The following MAOA variants were observed in gnomAD, a reference collection of about 807,000 sequenced individuals.
MAOA encodes the protein amine oxidase [flavin-containing] A.
In MAOA, 6 loss-of-function variants were observed where a neutral mutation model predicts 42.0. The ratio of observed to expected loss-of-function variants is 0.14; its 90% CI spans 0.08 to 0.28. The LOEUF is 0.28. Ranked by LOEUF, MAOA falls within the 10% of genes least tolerant of loss-of-function variation. The pLI, the probability that MAOA is intolerant of heterozygous loss-of-function variation, is 1.00. For synonymous variants in MAOA, 140 were observed against 154.0 expected (o/e 0.91, Z 0.67); for missense variants, 262 against 422.3 (o/e 0.62, Z 3.33).
intron 1 of MAOA, among the ~76,000 whole-genome samples, chrX:43,662,364 T>G (rs1469446163): frequency 9.5e-6 from 1 of 105,683 alleles, no homozygotes; most frequent in Non-Finnish European, 2.0e-5. Context: ...TGTGTTCTGA[T>G]TTTTTTTTTT....
At chrX:43,693,525 T>A in intron 3 of MAOA, 97 bp downstream of exon 3, 1 of 946,469 alleles carries the variant, frequency 1.1e-6, no homozygotes, top group Non-Finnish European at 1.5e-6. Context: ...AAAGCAATTG[T>A]AAAAGTAGGC....
chrX:43,683,171 C>G (rs1601931663), intron 1 of MAOA, among the ~76,000 whole-genome samples: 1 of 111,660 alleles, frequency 9.0e-6, no homozygotes, highest in Admixed American at 9.5e-5. Flanking sequence ...ATCAGGATTT[C>G]TGTATGAGGG....
At chrX:43,719,972 A>T (rs2033775519) in intron 5 of MAOA, among the ~76,000 whole-genome samples, 1 of 109,821 alleles carries the variant, frequency 9.1e-6, no homozygotes, top group Admixed American at 9.7e-5. Flanking sequence ...ATGTTATCTA[A>T]CAAAATGACT....
intron 1 of MAOA, among the ~76,000 whole-genome samples, chrX:43,662,579 T>C (rs1395229900): frequency 8.9e-6 from 1 of 111,767 alleles, no homozygotes; most frequent in Non-Finnish European, 1.9e-5. Flanking sequence ...AACACCATTA[T>C]TGGTGAATAT....
intron 3 of MAOA, among the ~76,000 whole-genome samples, chrX:43,706,500 T>C (rs2033660099): frequency 9.0e-6 from 1 of 110,876 alleles, no homozygotes; most frequent in South Asian, 3.8e-4. Flanking sequence ...CCTTCACTGT[T>C]GGGGCCAGGC....
At chrX:43,740,842 TA>T in intron 11 of MAOA, 104 bp downstream of exon 11, 1 of 708,080 alleles carries the variant, frequency 1.4e-6, no homozygotes, top group Non-Finnish European at 2.1e-6. Context: ...GAAGAGAGTA[TA>T]AAGCGATATG....
At chrX:43,663,959 C>A (rs2033255933) in intron 1 of MAOA, among the ~76,000 whole-genome samples, 1 of 111,675 alleles carries the variant, frequency 9.0e-6, no homozygotes, top group African/African-American at 3.3e-5. Flanking sequence ...GACGTTTCAC[C>A]AAAAAATGCG....
intron 1 of MAOA, among the ~76,000 whole-genome samples, chrX:43,662,385 A>G (rs1419652823): frequency 9.1e-6 from 1 of 110,152 alleles, no homozygotes; most frequent in African/African-American, 3.3e-5. Flanking sequence ...TGAAATCTTC[A>G]TGGTTGAAGG....
At chrX:43,725,453 C>G (rs1014615794) in intron 5 of MAOA, among the ~76,000 whole-genome samples, 1 of 110,306 alleles carries the variant, frequency 9.1e-6, no homozygotes, top group Non-Finnish European at 1.9e-5. Flanking sequence ...GACCTTTGTT[C>G]GTTTAAAGTC....
intron 9 of MAOA, among the ~76,000 whole-genome samples, 156 bp downstream of exon 9, chrX:43,732,951 G>T (rs1347122034): frequency 5.3e-5 from 6 of 112,339 alleles, no homozygotes; most frequent in African/African-American, 1.9e-4. Flanking sequence ...TTGCAGTAAT[G>T]TTTCGTATGT....
intron 3 of MAOA, among the ~76,000 whole-genome samples, chrX:43,710,301 A>G (rs2033690263): frequency 8.9e-6 from 1 of 112,646 alleles, no homozygotes; most frequent in African/African-American, 3.2e-5. Flanking sequence ...TTACAACATA[A>G]CATTTTCAGA....
At chrX:43,669,046 G>C (rs1044396789) in intron 1 of MAOA, among the ~76,000 whole-genome samples, 7 of 110,483 alleles carry the variant, frequency 6.3e-5, no homozygotes, top group Admixed American at 2.9e-4. Flanking sequence ...AGTTGATGTT[G>C]CTCTAAGAAG....
chrX:43,744,546 T>A lies in MAOA; in HGVS notation c.*33T>A. The A allele has an allele frequency of 8.4e-7, 1 of 1,195,717 alleles. No individual in the cohort carries two copies. Among genetic ancestry groups the A allele is most frequent in the East Asian group, 3.0e-5 (1 of 33,761 alleles). On this transcript the variant is annotated 3_prime_UTR_variant, in exon 15 of 15. Coordinates refer to ENST00000338702, the MANE Select transcript of MAOA (RefSeq NM_000240.4). ...TTCTTATGCTCTCTGCTCACTGGTT[T>A]TCAATACCACCAAGAGGAAAATATT...
At chrX:43,711,073 C>T (rs2033695575) in intron 3 of MAOA, among the ~76,000 whole-genome samples, 1 of 111,779 alleles carries the variant, frequency 8.9e-6, no homozygotes, top group African/African-American at 3.3e-5. Flanking sequence ...TGGTCAGAGT[C>T]CTCTGAGAGT....
At chrX:43,722,304 CCAA>C (rs1219821033) in intron 5 of MAOA, among the ~76,000 whole-genome samples, 1 of 112,315 alleles carries the variant, frequency 8.9e-6, no homozygotes, top group African/African-American at 3.2e-5. Flanking sequence ...GACACTCCCA[CCAA>C]CATTGTAAAA....
chrX:43,692,614 A>G (rs2033545680), intron 2 of MAOA, among the ~76,000 whole-genome samples: 1 of 109,202 alleles, frequency 9.2e-6, no homozygotes, highest in Admixed American at 9.7e-5. Context: ...CCCTTTATTT[A>G]TTAAAAAAAA....
At chrX:43,662,210 T>C (rs997843365) in intron 1 of MAOA, among the ~76,000 whole-genome samples, 2 of 111,722 alleles carry the variant, frequency 1.8e-5, no homozygotes, top group Non-Finnish European at 3.8e-5. Flanking sequence ...TGAGGTTCAA[T>C]GTGGGCTGAG....
At chrX:43,675,156 C>G (rs1265547131) in intron 1 of MAOA, among the ~76,000 whole-genome samples, 1 of 111,428 alleles carries the variant, frequency 9.0e-6, no homozygotes, top group Non-Finnish European at 1.9e-5. Context: ...ATGCTTTTTT[C>G]TCTAAACTTC....
intron 8 of MAOA, among the ~76,000 whole-genome samples, chrX:43,732,306 A>G (rs1212328119): frequency 8.9e-6 from 1 of 111,842 alleles, no homozygotes; most frequent in Non-Finnish European, 1.9e-5. Flanking sequence ...AGCTGCCCAG[A>G]TATGGTGGCT....
Sources: gnomAD v4.1 joint callset for allele counts (sites outside exome capture counted in the v4.1 genomes callset) on GRCh38, gnomAD v4.1.1 for gene constraint, MANE v1.5 for transcripts, NCBI Gene and HGNC (gene_info 2026-07-23, HGNC 2026-07-21) for gene names.